Variants in SLC19A1 observed in about 807,000 individuals in gnomAD.
SLC19A1 encodes solute carrier family 19 member 1.
In SLC19A1, 37 loss-of-function variants were observed where a neutral mutation model predicts 35.3. The ratio of observed to expected loss-of-function variants is 1.05; its 90% CI spans 0.81 to 1.38. SLC19A1 has a LOEUF of 1.38. Ranked by LOEUF, SLC19A1 falls within the 40% of genes most tolerant of loss-of-function variation. The pLI, the probability that SLC19A1 is intolerant of heterozygous loss-of-function variation, is 0.00. For missense variants in SLC19A1, 831 were observed against 826.9 expected, an observed-to-expected ratio of 1.00 and a Z score of -0.06; for synonymous variants, 460 against 398.5, an observed-to-expected ratio of 1.15 and a Z score of -1.84.
At chr21:45,525,740 G>A in intron 5 of SLC19A1, 77 bp downstream of exon 5, 2 of 1,528,492 alleles carry the variant, frequency 1.3e-6, no homozygotes, top group Non-Finnish European at 1.8e-6. Context: ...TCCACATCAG[G>A]CGGGCACCAG....
exon 1 of SLC19A1, among the ~76,000 whole-genome samples, chr21:45,562,932 C>T (rs985061116): frequency 1.3e-5 from 2 of 152,202 alleles, no homozygotes; most frequent in Admixed American, 6.5e-5. Context: ...GGAAGATCCT[C>T]CTCCGGTATC....
chr21:45,551,973 G>A (rs367662162), intron 1 of SLC19A1, among the ~76,000 whole-genome samples: 10 of 152,262 alleles, frequency 6.6e-5, no homozygotes, highest in South Asian at 6.2e-4. Flanking sequence ...CTGCCGCCAC[G>A]CTGGCCTGAG....
At chr21:45,509,355 G>C, downstream of SLC19A1, 1 of 1,546,180 alleles carries the variant, frequency 6.5e-7, no homozygotes, top group Non-Finnish European at 8.7e-7. Flanking sequence ...CCCACCTGCA[G>C]GACAATGAAG....
At chr21:45,557,802 A>T (rs1299826424) in intron 1 of SLC19A1, among the ~76,000 whole-genome samples, 1 of 152,178 alleles carries the variant, frequency 6.6e-6, no homozygotes, top group Non-Finnish European at 1.5e-5. Context: ...TGCTCAACTA[A>T]CAGCACAGAC....
rs574085484 is a variant in SLC19A1, at chr21:45,518,269, G to T, written c.1294-2129C>A. 2.6e-5 allele frequency among the ~76,000 whole-genome samples: 4 copies of T among 152,216 alleles called. No homozygotes were observed. The South Asian group carries it at 6.2e-4, about 24-fold the overall frequency. On this transcript the variant is annotated intron_variant, in intron 5 of 5. Transcript: ENST00000311124. Reference sequence around the variant, plus strand: ...AACAAAATAGAAGAGGCAGAGAAATGATCAATGAACTGGAGGTAGAACAAT... The same window carrying T: ...AACAAAATAGAAGAGGCAGAGAAATTATCAATGAACTGGAGGTAGAACAAT...
chr21:45,555,007 G>C (rs199580518), intron 1 of SLC19A1, among the ~76,000 whole-genome samples: 2 of 150,996 alleles, frequency 1.3e-5, no homozygotes, highest in Non-Finnish European at 3.0e-5. Context: ...GCACGTCCAG[G>C]TTATGCGTGG....
Position 45,506,300 on chromosome 21 carries a change from G to C in SLC19A1, c.498-7688C>G, listed in dbSNP as rs192294989. 1.7e-3 allele frequency: 630 copies of C among 374,178 alleles called. 3 individuals carry two copies. Among genetic ancestry groups the C allele is most frequent in the African/African-American group, 0.012 (594 of 47,710 alleles). The allele number at this position is 374,178 out of a possible 1,614,324, so 23.2% of individuals were successfully genotyped here. A position where few individuals can be genotyped will look rare whatever the true frequency, so the allele number is the denominator to read the frequency against. ...AGGCGCCTGACGGGACGAGGCGGCA[G>C]GGGGGCTCAGGCCCTCCAGGGCCAC... On this transcript the variant is annotated intron_variant, in intron 3 of 4. Coordinates refer to the SLC19A1 transcript ENST00000417954.
In SLC19A1 at chr21:45,540,046, G is replaced by T. The variant is rs926764574; in HGVS notation, c.-49-2038C>A. ...GCCGAGGCAGATCTGACGGTCGCCTGCCTCGGCCTCACCTTCCATGCCTCC... is the reference window on the plus strand; with the variant it reads ...GCCGAGGCAGATCTGACGGTCGCCTTCCTCGGCCTCACCTTCCATGCCTCC... On this transcript the variant is annotated intron_variant, in intron 1 of 5. Coordinates refer to ENST00000311124, the MANE Select transcript of SLC19A1 (RefSeq NM_194255.4). This position sits in a 1 kb window ranked among gnomAD's most constrained non-coding sequence, Gnocchi z 5.5. Among the ~76,000 whole-genome samples the T allele has an allele frequency of 2.0e-5, 3 of 152,158 alleles. No homozygotes were observed. The highest frequency in any genetic ancestry group is 4.4e-5 in the Non-Finnish European group (3 of 68,010).
At chr21:45,558,957 C>A (rs574434508) in intron 1 of SLC19A1, among the ~76,000 whole-genome samples, 272 of 151,934 alleles carry the variant, frequency 1.8e-3, no homozygotes, top group African/African-American at 6.1e-3. Context: ...TACAGGTGCA[C>A]ACCACCACGC....
In SLC19A1 at chr21:45,517,905, C is replaced by G. The variant is rs1316944976; in HGVS notation, c.1294-1765G>C. The stretch of plus-strand genomic sequence containing the variant: ...TGCCTGTAGCGAGGTGCACACCCCG[C>G]TTGACCTGCAGGAGTTGCGTCAGCC... On this transcript the variant is annotated intron_variant, in intron 5 of 5. Coordinates refer to ENST00000311124, the MANE Select transcript of SLC19A1 (RefSeq NM_194255.4). The surrounding 1 kb of genome is among the most constrained non-coding windows in gnomAD (Gnocchi z 4.4). Among the ~76,000 whole-genome samples the G allele has an allele frequency of 1.3e-5, 2 of 152,360 alleles. No individual in the cohort carries two copies. Among genetic ancestry groups the G allele is most frequent in the East Asian group, 3.9e-4 (2 of 5,190 alleles).
chr21:45,508,480 T>C (rs1036229470), downstream of SLC19A1, among the ~76,000 whole-genome samples: 1 of 148,840 alleles, frequency 6.7e-6, no homozygotes, highest in African/African-American at 2.5e-5. Context: ...GGTGGGTGAG[T>C]GGATGGGTGG....
upstream of SLC19A1, among the ~76,000 whole-genome samples, chr21:45,545,368 C>T (rs1344764491): frequency 1.3e-5 from 2 of 151,690 alleles, no homozygotes; most frequent in Non-Finnish European, 2.9e-5. Flanking sequence ...TAAAAGAGTC[C>T]GGGACCCCCC....
intron 1 of SLC19A1, among the ~76,000 whole-genome samples, chr21:45,559,944 G>A (rs187330842): frequency 1.1e-3 from 161 of 152,286 alleles, no homozygotes; most frequent in African/African-American, 3.7e-3. Context: ...TCAGGCAATC[G>A]GCCACAGCCC....
chr21:45,531,343 G>C (rs1429758623), intron 3 of SLC19A1, 46 bp downstream of exon 3: 5 of 1,537,342 alleles, frequency 3.3e-6, no homozygotes, highest in Non-Finnish European at 4.4e-6. Context: ...GGAGGTGGAC[G>C]GGAAGCCTCT....
rs1555874491 is a variant in SLC19A1 at position 45,504,464 on chromosome 21, G to A, written c.498-5852C>T. On this transcript the variant is annotated intron_variant, in intron 3 of 4. Coordinates refer to the SLC19A1 transcript ENST00000417954. ...TGCAGGACAGAAAGGCGAAAGGGGG[G>A]AGCCCGGGGGCGGCGGTTTCTTCGG... 1.2e-5 allele frequency: 20 copies of A among 1,610,556 alleles called. No homozygotes were observed. Among genetic ancestry groups the A allele is most frequent in the Non-Finnish European group, 1.7e-5 (20 of 1,178,940 alleles).
chr21:45,515,079 G>T lies in SLC19A1; in HGVS notation c.*579C>A. ...AGGACCAGAGCCGCTGCTCCCCTCTGATGACAATGTGTCTGCCGCCAACCT... is the reference window on the plus strand; with the variant it reads ...AGGACCAGAGCCGCTGCTCCCCTCTTATGACAATGTGTCTGCCGCCAACCT... On this transcript the variant is annotated 3_prime_UTR_variant, in exon 6 of 6. Transcript: ENST00000311124. The T allele has an allele frequency of 6.5e-7, 1 of 1,546,126 alleles. No homozygotes were observed. Among genetic ancestry groups the T allele is most frequent in the South Asian group, 1.2e-5 (1 of 83,234 alleles).
chr21:45,553,107 G>A (rs879090495), intron 1 of SLC19A1, among the ~76,000 whole-genome samples: 2 of 152,112 alleles, frequency 1.3e-5, no homozygotes, highest in African/African-American at 2.4e-5. Flanking sequence ...GGACCGGAGC[G>A]GGGGCCTCGC....
At position 45,533,398 on chromosome 21, in the gene SLC19A1, G is replaced by A. The variant is rs1167005236; in HGVS notation, c.190-1250C>T. Among the ~76,000 whole-genome samples the A allele has an allele frequency of 6.6e-6, 1 of 152,110 alleles. No homozygotes were observed. The highest frequency in any genetic ancestry group is 1.5e-5 in the Non-Finnish European group (1 of 68,004). ...CTCAGCTGTCTTGGCAGGGGCCAGG[G>A]CTGCTGTGGGCACACCTGGGCACAC... is the stretch of plus-strand genomic sequence containing the variant. On this transcript the variant is annotated intron_variant, in intron 2 of 5. Transcript: ENST00000311124. This position sits in a 1 kb window ranked among gnomAD's most constrained non-coding sequence, Gnocchi z 4.5.
chr21:45,508,043 A>AGGTAGATGGGGAGGTGGATGGATG (rs2037328859), downstream of SLC19A1, among the ~76,000 whole-genome samples: 2 of 144,168 alleles, frequency 1.4e-5, no homozygotes, highest in African/African-American at 5.1e-5. Context: ...GTGGATACGT[A>AGGTAGATGGGGAGGTGGATGGATG]GGTAGATGGG....
Sources: allele counts gnomAD v4.1 joint callset (sites outside exome capture counted in the v4.1 genomes callset), GRCh38; gene constraint gnomAD v4.1.1; non-coding constraint Gnocchi (gnomAD v3.1); transcripts MANE v1.5; gene names NCBI Gene and HGNC (gene_info 2026-07-23, HGNC 2026-07-21).